ACTR3C: variants seen among roughly 807,000 people sequenced by gnomAD.
ACTR3C encodes the protein actin related protein 3C, also known as actin-related protein 3C.
Under a neutral mutation model 26.3 loss-of-function variants are expected in ACTR3C, and 18 were observed. The ratio of observed to expected loss-of-function variants is 0.68; its 90% CI spans 0.47 to 1.01. The LOEUF (loss-of-function observed/expected upper bound fraction) is 1.01. Ranked by LOEUF, ACTR3C falls within the 50% of genes least tolerant of loss-of-function variation. ACTR3C has a pLI of 0.00. For synonymous variants in ACTR3C, 55 were observed against 94.5 expected, an observed-to-expected ratio of 0.58 and a Z score of 2.42; for missense variants, 184 against 250.7, an observed-to-expected ratio of 0.73 and a Z score of 1.80.
the ACTR3C span, among the ~76,000 whole-genome samples, chr7:150,006,687 G>A: frequency 6.6e-6 from 1 of 151,650 alleles, no homozygotes. Flanking sequence ...TCAGCTCAAC[G>A]GACCAGAAGC....
chr7:150,241,268 A>G (rs1320803980), downstream of ACTR3C, among the ~76,000 whole-genome samples: 3 of 152,302 alleles, frequency 2.0e-5, no homozygotes, highest in East Asian at 3.9e-4. Context: ...AGCCATAGGA[A>G]TAAAGGCCCT....
chr7:150,153,515 G>A, the ACTR3C span, among the ~76,000 whole-genome samples: 41 of 138,400 alleles, frequency 3.0e-4, no homozygotes, highest in Admixed American at 1.2e-3. Context: ...AATCAAAACC[G>A]CAATGAGATA....
At chr7:150,314,947 GT>G (rs56249668) in intron 1 of ACTR3C, among the ~76,000 whole-genome samples, 37,990 of 146,756 alleles carry the variant, frequency 0.26, 5,103 homozygotes, top group East Asian at 0.42. Flanking sequence ...GCAAGACCCA[GT>G]TTCAACATAA....
chr7:150,251,526 A>C (rs1832854619), intron 6 of ACTR3C, among the ~76,000 whole-genome samples: 1 of 152,148 alleles, frequency 6.6e-6, no homozygotes, highest in African/African-American at 2.4e-5. Flanking sequence ...CTATATCACA[A>C]GGAATTCAAT....
chr7:150,091,095 T>C, the ACTR3C span, among the ~76,000 whole-genome samples: 3 of 149,422 alleles, frequency 2.0e-5, no homozygotes, highest in Non-Finnish European at 4.5e-5. Context: ...AATTTCACGG[T>C]GTGGCCAGGA....
the ACTR3C span, among the ~76,000 whole-genome samples, chr7:150,108,809 T>C: frequency 5.3e-5 from 8 of 150,360 alleles, 1 homozygote; most frequent in Non-Finnish European, 1.0e-4. Context: ...TATTTTATTA[T>C]AGCAACACAA....
chr7:150,052,033 T>G, the ACTR3C span, among the ~76,000 whole-genome samples: 3 of 152,194 alleles, frequency 2.0e-5, no homozygotes, highest in Non-Finnish European at 4.4e-5. Flanking sequence ...TTCCAAATAC[T>G]AATATTTGAA....
At chr7:149,996,034 TCTC>T in the ACTR3C span, among the ~76,000 whole-genome samples, 43 of 151,450 alleles carry the variant, frequency 2.8e-4, no homozygotes, top group Non-Finnish European at 4.9e-4. Context: ...GTGTGGGAAA[TCTC>T]CTGGATGGAT....
the ACTR3C span, among the ~76,000 whole-genome samples, chr7:150,042,690 C>G: frequency 1.8e-4 from 27 of 151,868 alleles, 1 homozygote; most frequent in Admixed American, 1.8e-3. Context: ...GCCCAAGAAT[C>G]AGCTTATTTG....
the ACTR3C span, among the ~76,000 whole-genome samples, chr7:150,167,226 C>A: frequency 1.3e-5 from 2 of 150,746 alleles, no homozygotes; most frequent in East Asian, 3.9e-4. Flanking sequence ...TTTTTGAGAA[C>A]CCTCCATACT....
chr7:150,281,262 G>A (rs1484136952), intron 6 of ACTR3C, among the ~76,000 whole-genome samples: 4 of 151,934 alleles, frequency 2.6e-5, no homozygotes, highest in African/African-American at 9.7e-5. Context: ...GTGCTCTGCA[G>A]AAGTATTTGC....
At chr7:150,037,439 A>G in the ACTR3C span, among the ~76,000 whole-genome samples, 89 of 36,002 alleles carry the variant, frequency 2.5e-3, 23 homozygotes, top group South Asian at 0.015. Flanking sequence ...ATGGCTCTCA[A>G]TCCCTGCCTC....
chr7:150,286,489 C>A lies in ACTR3C; in HGVS notation c.349G>T (p.Asp117Tyr), dbSNP rs1185853955. The A allele has an allele frequency of 1.2e-6, 2 of 1,611,512 alleles. No individual in the cohort carries two copies. Among genetic ancestry groups the A allele is most frequent in the Non-Finnish European group, 1.7e-6 (2 of 1,179,838 alleles). ...PDIVKEFAKY[D>Y]VDPQKWIKQY... ...TTGATCCACTTCTGGGGATCCACAT[C>A]ATACTTGGCAAATTCCTTGACTATA... The change falls in exon 5 of 8, where the codon GAT becomes TAT. Residue 117 changes from aspartate (D) to tyrosine (Y), a missense_variant. By Grantham distance (160) the Asp-to-Tyr change is radical. Transcript: ENST00000683684.
At chr7:150,025,713 G>A in the ACTR3C span, among the ~76,000 whole-genome samples, 187 of 152,032 alleles carry the variant, frequency 1.2e-3, no homozygotes, top group Middle Eastern at 3.4e-3. Context: ...CGAGATTGCC[G>A]AAGCCTTGAT....
At chr7:149,943,694 A>T in the ACTR3C span, among the ~76,000 whole-genome samples, 1 of 152,006 alleles carries the variant, frequency 6.6e-6, no homozygotes, top group Non-Finnish European at 1.5e-5. Context: ...CTGGGCAAGC[A>T]AAACTCCATC....
chr7:149,907,478 T>TTCTCTTCCCTCTCTCTCTCTCTC, the ACTR3C span, among the ~76,000 whole-genome samples: 1 of 97,606 alleles, frequency 1.0e-5, no homozygotes, highest in Non-Finnish European at 2.1e-5. Flanking sequence ...CTCTCTTCTC[T>TTCTCTTCCCTCTCTCTCTCTCTC]TCTCTCTCTC....
the ACTR3C span, among the ~76,000 whole-genome samples, chr7:149,989,517 G>C: frequency 0.23 from 34,637 of 152,048 alleles, 3,993 homozygotes; most frequent in South Asian, 0.29. Context: ...CTACACAAGT[G>C]ACATAATGTG....
the ACTR3C span, among the ~76,000 whole-genome samples, chr7:150,215,846 T>C: frequency 6.6e-6 from 1 of 152,136 alleles, no homozygotes; most frequent in African/African-American, 2.4e-5. Flanking sequence ...ATATTGATCC[T>C]AATTATCAAA....
intron 1 of ACTR3C, among the ~76,000 whole-genome samples, chr7:150,315,676 C>T (rs1402805985): frequency 3.9e-5 from 6 of 152,180 alleles, no homozygotes; most frequent in Non-Finnish European, 8.8e-5. Context: ...AACACAGTTC[C>T]CCTCCCTGGG....
Sources: allele counts gnomAD v4.1 joint callset (sites outside exome capture counted in the v4.1 genomes callset), GRCh38; gene constraint gnomAD v4.1.1; transcripts MANE v1.5; gene names NCBI Gene and HGNC (gene_info 2026-07-23, HGNC 2026-07-21).